SEM1: variants seen among roughly 807,000 people sequenced by gnomAD.
The protein encoded by SEM1 is SEM1 26S proteasome subunit, also known as 26S proteasome complex subunit SEM1.
SEM1 carries 3 observed loss-of-function variants against 12.7 expected under a neutral mutation model. That is an observed-to-expected ratio of 0.24 (90% confidence interval 0.11 to 0.61). The LOEUF (loss-of-function observed/expected upper bound fraction) is 0.61. Among genes scored for constraint, SEM1 ranks in the 20% least tolerant of loss-of-function variants. The pLI is 0.88. For synonymous variants in SEM1, 30 were observed against 27.8 expected, an observed-to-expected ratio of 1.08 and a Z score of -0.25; for missense variants, 59 against 81.3, an observed-to-expected ratio of 0.73 and a Z score of 1.06.
rs78380693 is a variant in SEM1, at chr7:96,642,111, T to C, written c.171-19468A>G. On this transcript the variant is annotated intron_variant, in intron 2 of 2. Coordinates refer to the SEM1 transcript ENST00000417009. ...CAGTCCACTGGTCACATTTCAAGGGTTCCATAGCTCAACAGGAGTAGTGGC... is the reference window on the plus strand; with the variant it reads ...CAGTCCACTGGTCACATTTCAAGGGCTCCATAGCTCAACAGGAGTAGTGGC... 9.1e-3 allele frequency among the ~76,000 whole-genome samples: 1,386 copies of C among 152,066 alleles called. 16 individuals carry two copies. The highest frequency in any genetic ancestry group is 0.032 in the African/African-American group (1,314 of 41,512).
At chr7:96,584,155 T>C (rs1415525088) in intron 2 of SEM1, among the ~76,000 whole-genome samples, 3 of 152,302 alleles carry the variant, frequency 2.0e-5, no homozygotes, top group East Asian at 1.9e-4. Context: ...TCTTTTTGGG[T>C]AGGCCTGGTG....
chr7:96,654,974 T>C (rs146025157), intron 2 of SEM1, among the ~76,000 whole-genome samples: 19 of 152,230 alleles, frequency 1.2e-4, no homozygotes, highest in African/African-American at 4.3e-4. Flanking sequence ...CTTGGCAGTA[T>C]AGGGAGAGGC....
intron 2 of SEM1, among the ~76,000 whole-genome samples, chr7:96,548,770 G>A (rs1183123828): frequency 6.6e-6 from 1 of 152,134 alleles, no homozygotes; most frequent in Non-Finnish European, 1.5e-5. Context: ...GAGTAGAAGA[G>A]TGCCTACCGC....
At chr7:96,589,783 A>G (rs1806769955) in intron 2 of SEM1, among the ~76,000 whole-genome samples, 1 of 152,238 alleles carries the variant, frequency 6.6e-6, no homozygotes, top group African/African-American at 2.4e-5. Flanking sequence ...AATTTAAAGC[A>G]GAGTCCCTTC....
intron 2 of SEM1, among the ~76,000 whole-genome samples, chr7:96,628,917 A>C (rs552836993): frequency 5.9e-5 from 9 of 152,306 alleles, no homozygotes; most frequent in African/African-American, 2.2e-4. Context: ...CAGATACACT[A>C]ATCTAGGTTA....
chr7:96,660,558 T>C (rs906001643), intron 2 of SEM1, among the ~76,000 whole-genome samples: 2 of 152,164 alleles, frequency 1.3e-5, no homozygotes, highest in Admixed American at 1.3e-4. Context: ...GAAAACACAT[T>C]GTTATTGTAT....
At chr7:96,622,447 CA>C (rs1807925494), downstream of SEM1, 3 of 538,450 alleles carry the variant, frequency 5.6e-6, no homozygotes, top group East Asian at 2.8e-5. Context: ...CAGGAGAAGT[CA>C]AGAAATATCA....
intron 2 of SEM1, among the ~76,000 whole-genome samples, chr7:96,626,479 T>C (rs991713315): frequency 2.6e-5 from 4 of 152,140 alleles, no homozygotes; most frequent in African/African-American, 9.6e-5. Context: ...TATGTTAAGG[T>C]ATGTTCCTTC....
chr7:96,508,886 C>T (rs1803838512), intron 2 of SEM1, among the ~76,000 whole-genome samples: 3 of 151,936 alleles, frequency 2.0e-5, no homozygotes, highest in South Asian at 2.1e-4. Flanking sequence ...TTCTGTAATA[C>T]GTCTTTACTT....
intron 2 of SEM1, among the ~76,000 whole-genome samples, chr7:96,523,075 T>C (rs1404324725): frequency 2.0e-5 from 3 of 152,118 alleles, no homozygotes; most frequent in African/African-American, 2.4e-5. Flanking sequence ...GATGCCTTCA[T>C]TCAAATCTTT....
At chr7:96,518,989 A>G (rs945704949) in intron 2 of SEM1, among the ~76,000 whole-genome samples, 16 of 152,176 alleles carry the variant, frequency 1.1e-4, no homozygotes, top group African/African-American at 3.9e-4. Context: ...CCTATACACA[A>G]CATTCCATGT....
intron 2 of SEM1, among the ~76,000 whole-genome samples, chr7:96,584,490 A>C (rs1441228403): frequency 6.6e-6 from 1 of 151,860 alleles, no homozygotes; most frequent in Non-Finnish European, 1.5e-5. Flanking sequence ...CATTCTCTCT[A>C]TTTCCTGAAT....
At chr7:96,691,829 T>C (rs1432160194) in intron 2 of SEM1, among the ~76,000 whole-genome samples, 4 of 152,256 alleles carry the variant, frequency 2.6e-5, no homozygotes, top group Admixed American at 6.5e-5. Flanking sequence ...ATGTAACTGA[T>C]TGCTTCTATA....
At chr7:96,612,537 T>C (rs1228315088) in intron 2 of SEM1, among the ~76,000 whole-genome samples, 1 of 152,178 alleles carries the variant, frequency 6.6e-6, no homozygotes, top group Non-Finnish European at 1.5e-5. Flanking sequence ...AATTAAAAAA[T>C]TGCAAACCTT....
intron 2 of SEM1, among the ~76,000 whole-genome samples, chr7:96,589,977 C>G (rs772169799): frequency 1.3e-5 from 2 of 152,108 alleles, no homozygotes; most frequent in Non-Finnish European, 2.9e-5. Context: ...TTTATGCATA[C>G]AGAGAAAATT....
At chr7:96,676,286 G>A (rs904678705) in intron 2 of SEM1, among the ~76,000 whole-genome samples, 1 of 152,088 alleles carries the variant, frequency 6.6e-6, no homozygotes, top group Admixed American at 6.6e-5. Flanking sequence ...ACATTGCACT[G>A]GGCTCTTCTG....
intron 2 of SEM1, among the ~76,000 whole-genome samples, chr7:96,616,448 C>A (rs1242839382): frequency 2.0e-5 from 3 of 151,868 alleles, no homozygotes; most frequent in Non-Finnish European, 2.9e-5. Flanking sequence ...TAGATATTAG[C>A]CCTTTGTTAG....
In SEM1 at chr7:96,639,887, G is replaced by A. The variant is rs146923517; in HGVS notation, c.171-17244C>T. Reference sequence around the variant, plus strand: ...TCAACAATGAGAAAATAAACAACCTGATTTGAAAATGAGCCAAAGACCTCA... The same window carrying A: ...TCAACAATGAGAAAATAAACAACCTAATTTGAAAATGAGCCAAAGACCTCA... On this transcript the variant is annotated intron_variant, in intron 2 of 2. Coordinates refer to the SEM1 transcript ENST00000417009. Among the ~76,000 whole-genome samples, 315 of 151,996 alleles carry A rather than the reference G, an allele frequency of 2.1e-3. 1 individual carries two copies. The highest frequency in any genetic ancestry group is 0.01 in the Middle Eastern group (3 of 294).
At chr7:96,669,044 T>C (rs548878660), downstream of SEM1, among the ~76,000 whole-genome samples, 44 of 152,234 alleles carry the variant, frequency 2.9e-4, no homozygotes, top group Non-Finnish European at 5.4e-4. Context: ...AGAGGGAGCA[T>C]GGCCCTGCTG....
Sources: allele counts gnomAD v4.1 joint callset (sites outside exome capture counted in the v4.1 genomes callset), GRCh38; gene constraint gnomAD v4.1.1; transcripts MANE v1.5; gene names NCBI Gene and HGNC (gene_info 2026-07-23, HGNC 2026-07-21).